Variants in LMNB2 observed in about 807,000 individuals in gnomAD.
The protein encoded by LMNB2 is lamin B2.
In LMNB2, 17 loss-of-function variants were observed where a neutral mutation model predicts 69.3. The ratio of observed to expected loss-of-function variants is 0.25; its 90% CI spans 0.17 to 0.37. The LOEUF is 0.37. Ranked by LOEUF, LMNB2 falls within the 10% of genes least tolerant of loss-of-function variation. The probability of loss-of-function intolerance (pLI) is 1.00; values close to 1 mark genes in which losing one functional copy is unlikely to be tolerated. For synonymous variants in LMNB2, 397 were observed against 389.3 expected (o/e 1.02, Z -0.23); for missense variants, 789 against 883.6 (o/e 0.89, Z 1.36).
chr19:2,431,017 G>C, intron 11 of LMNB2, 65 bp from the exon 12 acceptor site: 1 of 1,039,842 alleles, frequency 9.6e-7, no homozygotes, highest in Admixed American at 1.7e-5. Flanking sequence ...CCGGCAGGTA[G>C]ATGGCTGCCC....
At chr19:2,449,082 A>C (rs191766254) in intron 1 of LMNB2, among the ~76,000 whole-genome samples, 8 of 152,186 alleles carry the variant, frequency 5.3e-5, no homozygotes, top group African/African-American at 1.9e-4. Context: ...TTTTTTTAAG[A>C]GATGGGGTCT....
At chr19:2,446,478 C>T (rs909928199) in intron 1 of LMNB2, among the ~76,000 whole-genome samples, 9 of 152,322 alleles carry the variant, frequency 5.9e-5, no homozygotes, top group Non-Finnish European at 8.8e-5. Flanking sequence ...CAACCACAGC[C>T]GCCACCTGCC....
intron 1 of LMNB2, among the ~76,000 whole-genome samples, chr19:2,446,338 GC>G (rs1971955480): frequency 6.6e-6 from 1 of 151,892 alleles, no homozygotes; most frequent in Admixed American, 6.6e-5. Context: ...GGGCCGCCCA[GC>G]TAAAGAAAGC....
In LMNB2 at chr19:2,443,039, C is replaced by T. The variant is rs1309417092; in HGVS notation, c.401+1365G>A. On this transcript the variant is annotated intron_variant, in intron 2 of 11. Transcript: ENST00000325327. This position sits in a 1 kb window ranked among gnomAD's most constrained non-coding sequence, Gnocchi z 6.2. ...TCATCCCACAGCCTGCATGGCTCCA[C>T]TGATGAACCTGCTTATTAAACACGG... Among the ~76,000 whole-genome samples, 1 of 152,244 alleles carries T rather than the reference C, an allele frequency of 6.6e-6. No homozygotes were observed. Among genetic ancestry groups the T allele is most frequent in the East Asian group, 1.9e-4 (1 of 5,202 alleles).
intron 1 of LMNB2, among the ~76,000 whole-genome samples, chr19:2,449,140 G>A (rs903996525): frequency 6.6e-6 from 1 of 152,140 alleles, no homozygotes; most frequent in Non-Finnish European, 1.5e-5. Flanking sequence ...CAAGCAATCT[G>A]CCTGCCCCAG....
Position 2,430,642 on chromosome 19 carries a change from G to T in LMNB2, c.*269C>A, listed in dbSNP as rs1022283032. ...GCCCAAGCATCTTCTAAACCTCCGG[G>T]TCCTGGCCCTGGGCTTCCAATTTGA... On this transcript the variant is annotated 3_prime_UTR_variant, in exon 12 of 12. Coordinates refer to ENST00000325327, the MANE Select transcript of LMNB2 (RefSeq NM_032737.4). The T allele has an allele frequency of 1.3e-5, 7 of 551,566 alleles. No individual in the cohort carries two copies. The highest frequency in any genetic ancestry group is 2.0e-5 in the Non-Finnish European group (6 of 303,288). 34.2% of individuals were successfully genotyped at this position (551,566 alleles called of 1,614,324 possible). A position where few individuals can be genotyped will look rare whatever the true frequency, so the allele number is the denominator to read the frequency against.
chr19:2,437,386 C>G (rs76046315), intron 4 of LMNB2, among the ~76,000 whole-genome samples: 1 of 152,220 alleles, frequency 6.6e-6, no homozygotes, highest in Non-Finnish European at 1.5e-5. Context: ...GAAGATGCAC[C>G]TGACGCCTGC....
chr19:2,431,236 G>A (rs1971735255), intron 11 of LMNB2, among the ~76,000 whole-genome samples: 1 of 152,232 alleles, frequency 6.6e-6, no homozygotes, highest in Admixed American at 6.5e-5. Context: ...GAAGGGACCT[G>A]TGTCTTCGAC....
At chr19:2,445,889 T>C in intron 1 of LMNB2, among the ~76,000 whole-genome samples, 1 of 36,932 alleles carries the variant, frequency 2.7e-5, no homozygotes, top group Non-Finnish European at 4.8e-5. Flanking sequence ...CGCCCCCACC[T>C]TTCACCCCTC....
Position 2,428,311 on chromosome 19 carries a change from C to T in LMNB2, c.*2600G>A, listed in dbSNP as rs529151219. On this transcript the variant is annotated 3_prime_UTR_variant, in exon 12 of 12. Transcript: ENST00000325327. ...TCTGAAATGAAAGTCCATGCCAGCC[C>T]CAGCTGCAGCCCAGCTCCGTTTTTG... 1 of 152,396 alleles carries T rather than the reference C, an allele frequency of 6.6e-6. No individual in the cohort carries two copies. Among genetic ancestry groups the T allele is most frequent in the African/African-American group, 2.4e-5 (1 of 41,590 alleles). 9.4% of individuals were successfully genotyped at this position (152,396 alleles called of 1,614,324 possible).
intron 11 of LMNB2, 72 bp from the exon 12 acceptor site, chr19:2,431,024 G>A (rs890855481): frequency 1.1e-6 from 1 of 930,108 alleles, no homozygotes; most frequent in Non-Finnish European, 1.8e-6. Flanking sequence ...GTAGATGGCT[G>A]CCCCCACCTC....
At chr19:2,431,047 G>GT in intron 11 of LMNB2, 95 bp from the exon 12 acceptor site, 1 of 791,184 alleles carries the variant, frequency 1.3e-6, no homozygotes, top group Non-Finnish European at 2.3e-6. Flanking sequence ...CACCAGGGAG[G>GT]GGCTGAGCAA....
intron 2 of LMNB2, among the ~76,000 whole-genome samples, chr19:2,439,736 C>G (rs2145456332): frequency 6.6e-6 from 1 of 151,338 alleles, no homozygotes; most frequent in African/African-American, 2.4e-5. Flanking sequence ...CTCCCTAGAG[C>G]CTTTTTTTTT....
intron 1 of LMNB2, 107 bp downstream of exon 1, chr19:2,456,563 C>A (rs1355461375): frequency 2.6e-6 from 3 of 1,164,394 alleles, no homozygotes; most frequent in African/African-American, 3.3e-5. Flanking sequence ...GAAGCCGGGG[C>A]CCGTCCCCGT....
intron 1 of LMNB2, among the ~76,000 whole-genome samples, chr19:2,455,771 G>C (rs764898681): frequency 6.6e-6 from 1 of 151,684 alleles, no homozygotes; most frequent in African/African-American, 2.4e-5. Flanking sequence ...CGGAAACTGC[G>C]GTGGGCAGGG....
At chr19:2,454,193 G>A (rs980628424) in intron 1 of LMNB2, among the ~76,000 whole-genome samples, 7 of 151,644 alleles carry the variant, frequency 4.6e-5, no homozygotes, top group South Asian at 2.1e-4. Context: ...CTCGGGAGAC[G>A]GGGGCAGGAG....
chr19:2,431,450 C>T lies in LMNB2; in HGVS notation c.1821+98G>A, dbSNP rs532619034. 5.8e-5 allele frequency: 88 copies of T among 1,517,342 alleles called. 1 individual carries two copies. The South Asian group carries it at 5.8e-4, about 10-fold the overall frequency. 94.0% of individuals were successfully genotyped at this position (1,517,342 alleles called of 1,614,324 possible). Reference sequence around the variant, plus strand: ...AGCCACGGCAGCCAGATGGAGCTCCCGTCGGGGATGCGGCCAGCACGCATG... The same window carrying T: ...AGCCACGGCAGCCAGATGGAGCTCCTGTCGGGGATGCGGCCAGCACGCATG... On this transcript the variant is annotated intron_variant, in intron 11 of 11. Transcript: ENST00000325327.
rs537695901 is a variant in LMNB2, at chr19:2,447,112, C to T, written c.265-2572G>A. Among the ~76,000 whole-genome samples, 3 of 151,910 alleles carry T rather than the reference C, an allele frequency of 2.0e-5. No individual in the cohort carries two copies. The highest frequency in any genetic ancestry group is 4.4e-5 in the Non-Finnish European group (3 of 67,956). On this transcript the variant is annotated intron_variant, in intron 1 of 11. Transcript: ENST00000325327. This position sits in a 1 kb window ranked among gnomAD's most constrained non-coding sequence, Gnocchi z 4.4. The stretch of plus-strand genomic sequence containing the variant: ...TGAGCCGAGATCGCACCACTGCCCT[C>T]CAGCCTGGGAGACAGAGCGAGACTC...
rs2304241 is a variant in LMNB2, at chr19:2,434,553, A to G, written c.982-38T>C. The G allele has an allele frequency of 0.31, 501,591 of 1,595,158 alleles. 81,738 individuals carry two copies. The highest frequency in any genetic ancestry group is 0.54 in the African/African-American group (40,456 of 74,690). ...CGGGTGGCGAAGGTCAGGGCAGCCC[A>G]TGGGTCACAAGGCCCAGGTGATCCT... On this transcript the variant is annotated intron_variant, in intron 6 of 11. Coordinates refer to ENST00000325327, the MANE Select transcript of LMNB2 (RefSeq NM_032737.4).
Sources: allele counts gnomAD v4.1 joint callset (sites outside exome capture counted in the v4.1 genomes callset), GRCh38; gene constraint gnomAD v4.1.1; non-coding constraint Gnocchi (gnomAD v3.1); transcripts MANE v1.5; gene names NCBI Gene and HGNC (gene_info 2026-07-23, HGNC 2026-07-21).